The following PROC variants were observed in gnomAD, a reference collection of about 807,000 sequenced individuals.
The protein encoded by PROC is vitamin K-dependent protein C.
A neutral mutation model predicts 36.3 loss-of-function variants in PROC; 22 were observed. The observed-to-expected ratio is 0.61, with a 90% CI of 0.43 to 0.86. The LOEUF (loss-of-function observed/expected upper bound fraction) is 0.86, where lower values mean the gene tolerates loss of function less well. Among genes scored for constraint, PROC ranks in the 40% least tolerant of loss-of-function variants. The probability of loss-of-function intolerance (pLI) is 0.00; values close to 1 mark genes in which losing one functional copy is unlikely to be tolerated. For synonymous variants in PROC, 218 were observed against 244.5 expected (o/e 0.89, Z 1.01); for missense variants, 526 against 629.7 (o/e 0.84, Z 1.76).
rs1300904916 is a variant in PROC, at chr2:127,426,300, T to A, written c.678+73T>A. On this transcript the variant is annotated intron_variant, in intron 7 of 8. Coordinates refer to ENST00000234071, the MANE Select transcript of PROC (RefSeq NM_000312.4). This position sits in a 1 kb window ranked among gnomAD's most constrained non-coding sequence, Gnocchi z 7.0. ...ACTGAGTCCATCCTGGCAGCTATGCTCAGGGTGCAGAAACCGAGAGGGAAG... is the reference window on the plus strand; with the variant it reads ...ACTGAGTCCATCCTGGCAGCTATGCACAGGGTGCAGAAACCGAGAGGGAAG... The A allele has an allele frequency of 4.4e-6, 7 of 1,600,586 alleles. No homozygotes were observed. In the Admixed American group the frequency reaches 1.0e-4, roughly 23 times the overall value.
rs1178818583 is a variant in PROC, at chr2:127,428,428, A to G, written c.868A>G (p.Asn290Asp). 6.2e-7 allele frequency: 1 copy of G among 1,613,978 alleles called. No individual in the cohort carries two copies. Among genetic ancestry groups the G allele is most frequent in the East Asian group, 2.2e-5 (1 of 44,892 alleles). Residue 290 changes from asparagine (N) to aspartate (D), a missense_variant, in exon 9 of 9, where the codon AAC becomes GAC. By Grantham distance (23) the Asn-to-Asp change is conservative (BLOSUM62 1). Transcript: ENST00000234071. ...CATCAAGGAGGTCTTCGTCCACCCC[A>G]ACTACAGCAAGAGCACCACCGACAA... ...LDIKEVFVHP[N>D]YSKSTTDNDI...
chr2:127,420,615 T>C (rs2069912), intron 2 of PROC, among the ~76,000 whole-genome samples: 42,624 of 151,782 alleles, frequency 0.28, 6,174 homozygotes, highest in South Asian at 0.47. Flanking sequence ...GGATGCCTTT[T>C]CCCCCATCCC....
In PROC at chr2:127,429,216, A is replaced by C. The variant is rs1688728473; in HGVS notation, c.*270A>C. 2.2e-6 allele frequency: 1 copy of C among 460,784 alleles called. No homozygotes were observed. Among genetic ancestry groups the C allele is most frequent in the African/African-American group, 2.0e-5 (1 of 50,872 alleles). 28.5% of individuals were successfully genotyped at this position (460,784 alleles called of 1,614,324 possible). A position where few individuals can be genotyped will look rare whatever the true frequency, so the allele number is the denominator to read the frequency against. On this transcript the variant is annotated 3_prime_UTR_variant, in exon 9 of 9. Transcript: ENST00000234071. ...TGTTGAGGGGGATACTCTGTTTATGAAAAAGAATAAAAAACACAACCACGA... is the reference window on the plus strand; with the variant it reads ...TGTTGAGGGGGATACTCTGTTTATGCAAAAGAATAAAAAACACAACCACGA...
intron 3 of PROC, among the ~76,000 whole-genome samples, chr2:127,422,657 G>A (rs1212871422): frequency 6.6e-6 from 1 of 152,170 alleles, no homozygotes; most frequent in Non-Finnish European, 1.5e-5. Flanking sequence ...ACAGTCGCGA[G>A]AGCAGCACTG....
Position 127,427,095 on chromosome 2 carries a change from C to A in PROC, c.679-10C>A. ...CAGCCCTGTGATGTCATCATCCCAC[C>A]CCATTCCAGGTGGTCCTGCTGGACT... On this transcript the variant is annotated splice_polypyrimidine_tract_variant and intron_variant, in intron 7 of 8. Coordinates refer to ENST00000234071, the MANE Select transcript of PROC (RefSeq NM_000312.4). 6.2e-7 allele frequency: 1 copy of A among 1,612,086 alleles called. No individual in the cohort carries two copies. The highest frequency in any genetic ancestry group is 8.5e-7 in the Non-Finnish European group (1 of 1,178,412).
At chr2:127,419,838 C>A in intron 1 of PROC, 84 bp from the exon 2 acceptor site, 1 of 1,605,522 alleles carries the variant, frequency 6.2e-7, no homozygotes, top group Non-Finnish European at 8.5e-7. Flanking sequence ...ACAGGGACAG[C>A]CCTTTCATTC....
intron 2 of PROC, 120 bp from the exon 3 acceptor site, chr2:127,421,163 G>C (rs923555149): frequency 2.0e-6 from 2 of 1,013,788 alleles, no homozygotes; most frequent in Non-Finnish European, 1.5e-6. Context: ...AATGAGTCTT[G>C]AGGGGGCGGA....
rs1375343219 is a variant in PROC, at chr2:127,428,708, A to G, written c.1148A>G (p.Glu383Gly). 1 of 1,613,674 alleles carries G rather than the reference A, an allele frequency of 6.2e-7. No homozygotes were observed. The highest frequency in any genetic ancestry group is 8.5e-7 in the Non-Finnish European group (1 of 1,180,038). Reference sequence around the variant, plus strand: ...GAGGTCATGAGCAACATGGTGTCTGAGAACATGCTGTGTGCGGGCATCCTC... The same window carrying G: ...GAGGTCATGAGCAACATGGTGTCTGGGAACATGCTGTGTGCGGGCATCCTC... ...CSEVMSNMVS[E>G]NMLCAGILGD... Residue 383 changes from glutamate to glycine, a missense_variant, in exon 9 of 9, where the codon GAG becomes GGG. Physicochemically the swap from Glu to Gly is moderately conservative, Grantham distance 98 (BLOSUM62 -2). Transcript: ENST00000234071.
chr2:127,424,452 G>A (rs1688353356), intron 6 of PROC, among the ~76,000 whole-genome samples: 1 of 152,202 alleles, frequency 6.6e-6, no homozygotes, highest in Non-Finnish European at 1.5e-5. Context: ...ACCTGCCTTG[G>A]CCTCCTAAAG....
rs771415643 is a variant in PROC, at chr2:127,423,050, G to A, written c.279G>A (p.Leu93=). Residue 93 remains leucine (L), a synonymous_variant, in exon 5 of 9, where the codon TTG becomes TTA. Coordinates refer to ENST00000234071, the MANE Select transcript of PROC (RefSeq NM_000312.4). ...WSKHVDGDQC[L]VLPLEHPCAS... ...GTGTCGCAGACGGTGACCAGTGCTT[G>A]GTCTTGCCCTTGGAGCACCCGTGCG... The A allele has an allele frequency of 6.2e-7, 1 of 1,612,272 alleles. No homozygotes were observed. Among genetic ancestry groups the A allele is most frequent in the African/African-American group, 1.3e-5 (1 of 74,922 alleles).
chr2:127,427,202 A>G lies in PROC; in HGVS notation c.776A>G (p.Lys259Arg). ...GCGGCCCACTGCATGGATGAGTCCA[A>G]GAAGCTCCTTGTCAGGCTTGGTATG... ...LTAAHCMDES[K>R]KLLVRLGEYD... The change falls in exon 8 of 9, where the codon AAG becomes AGG. Residue 259 changes from lysine (K) to arginine (R), a missense_variant. Transcript: ENST00000234071. 7 of 1,613,236 alleles carry G rather than the reference A, an allele frequency of 4.3e-6. No individual in the cohort carries two copies. The highest frequency in any genetic ancestry group is 5.9e-6 in the Non-Finnish European group (7 of 1,179,912).
At chr2:127,419,748 C>T (rs1219051178) in intron 1 of PROC, 174 bp from the exon 2 acceptor site, 5 of 1,425,868 alleles carry the variant, frequency 3.5e-6, no homozygotes, top group African/African-American at 1.4e-5. Flanking sequence ...CCACGTAGAG[C>T]GGGCAGCCGA....
Position 127,418,535 on chromosome 2 carries a change from G to A in PROC, c.-22+43G>A. Reference sequence around the variant, plus strand: ...CAGGTCTATGAGGGGTGTGGAGGGAGGGCTGCCCCCGGGAGAAGAGAGCTA... The same window carrying A: ...CAGGTCTATGAGGGGTGTGGAGGGAAGGCTGCCCCCGGGAGAAGAGAGCTA... On this transcript the variant is annotated intron_variant, in intron 1 of 8. Transcript: ENST00000234071. This position sits in a 1 kb window ranked among gnomAD's most constrained non-coding sequence, Gnocchi z 4.8. 1.6e-6 allele frequency: 2 copies of A among 1,285,626 alleles called. No individual in the cohort carries two copies. Among genetic ancestry groups the A allele is most frequent in the Non-Finnish European group, 2.0e-6 (2 of 985,084 alleles). The allele number at this position is 1,285,626 out of a possible 1,614,324, so 79.6% of individuals were successfully genotyped here. A position where few individuals can be genotyped will look rare whatever the true frequency, so the allele number is the denominator to read the frequency against.
intron 2 of PROC, 116 bp from the exon 3 acceptor site, chr2:127,421,167 G>A: frequency 9.6e-7 from 1 of 1,037,650 alleles, no homozygotes; most frequent in Non-Finnish European, 1.5e-6. Flanking sequence ...AGTCTTGAGG[G>A]GGCGGAGACA....
intron 4 of PROC, 45 bp from the exon 5 acceptor site, chr2:127,422,989 T>G (rs1688205581): frequency 1.2e-6 from 2 of 1,612,136 alleles, no homozygotes; most frequent in Non-Finnish European, 1.7e-6. Flanking sequence ...CCCGCGCCCC[T>G]CGGGATCTCT....
Position 127,423,310 on chromosome 2 carries a change from G to C in PROC, c.437G>C (p.Gly146Ala), listed in dbSNP as rs774204335. 5.8e-6 allele frequency: 9 copies of C among 1,549,978 alleles called. No individual in the cohort carries two copies. The highest frequency in any genetic ancestry group is 7.0e-6 in the Non-Finnish European group (8 of 1,146,996). The change falls in exon 6 of 9, where the codon GGC becomes GCC. Residue 146 changes from glycine to alanine, a missense_variant. By Grantham distance (60) the Gly-to-Ala change is moderately conservative. Transcript: ENST00000234071. Reference protein sequence around the residue: ...SFLNCSLDNGGCTHYCLEEVG... With the variant: ...SFLNCSLDNGACTHYCLEEVG... The stretch of plus-strand genomic sequence containing the variant: ...CTCAATTGCTCGCTGGACAACGGCG[G>C]CTGCACGCATTACTGCCTAGAGGAG...
chr2:127,428,791 C>T lies in PROC; in HGVS notation c.1231C>T (p.His411Tyr), dbSNP rs1269280926. ...DSGGPMVASF[H>Y]GTWFLVGLVS... ...TGGGGGGCCCATGGTCGCCTCCTTC[C>T]ACGGCACCTGGTTCCTGGTGGGCCT... The change falls in exon 9 of 9, where the codon CAC becomes TAC. Residue 411 changes from histidine (H) to tyrosine (Y), a missense_variant. Transcript: ENST00000234071. The T allele has an allele frequency of 6.2e-7, 1 of 1,612,242 alleles. No individual in the cohort carries two copies. The highest frequency in any genetic ancestry group is 1.7e-5 in the Admixed American group (1 of 60,006).
intron 2 of PROC, among the ~76,000 whole-genome samples, chr2:127,420,653 C>G (rs940932169): frequency 4.6e-5 from 7 of 152,194 alleles, no homozygotes; most frequent in Non-Finnish European, 7.4e-5. Flanking sequence ...AACTTGATCT[C>G]TCCCTCCTAA....
In PROC at chr2:127,426,040, G is replaced by A. The variant is rs200336197; in HGVS notation, c.536-45G>A. On this transcript the variant is annotated intron_variant, in intron 6 of 8. Transcript: ENST00000234071. This position sits in a 1 kb window ranked among gnomAD's most constrained non-coding sequence, Gnocchi z 7.0. ...AGGACCAAGACAGGAGGGCAGTCTC[G>A]GGAGGAGTGCCTGGCAGGCCCCTCA... 8.1e-5 allele frequency: 131 copies of A among 1,613,202 alleles called. No homozygotes were observed. The Admixed American group carries it at 1.2e-3, about 15-fold the overall frequency.
Sources: gnomAD v4.1 joint callset for allele counts (sites outside exome capture counted in the v4.1 genomes callset) on GRCh38, gnomAD v4.1.1 for gene constraint, Gnocchi (gnomAD v3.1) non-coding constraint, MANE v1.5 for transcripts, NCBI Gene and HGNC (gene_info 2026-07-23, HGNC 2026-07-21) for gene names.